PRDM10: variants seen among roughly 807,000 people sequenced by gnomAD.
The protein encoded by PRDM10 is PR domain zinc finger protein 10.
In PRDM10, 65 loss-of-function variants were observed where a neutral mutation model predicts 133.1. The ratio of observed to expected loss-of-function variants is 0.49; its 90% CI spans 0.40 to 0.60. The LOEUF is 0.60. Ranked by LOEUF, PRDM10 falls within the 20% of genes least tolerant of loss-of-function variation. PRDM10 has a pLI of 0.00. For synonymous variants in PRDM10, 582 were observed against 580.4 expected (o/e 1.00, Z -0.04); for missense variants, 1,137 against 1,507.1 (o/e 0.75, Z 4.07).
intron 19 of PRDM10, among the ~76,000 whole-genome samples, chr11:129,907,530 G>A (rs1416186018): frequency 2.6e-5 from 4 of 151,918 alleles, no homozygotes; most frequent in Non-Finnish European, 5.9e-5. Flanking sequence ...TTGGCCTCCT[G>A]AGTAACTGGG....
At chr11:129,992,827 G>A (rs1938825630) in intron 1 of PRDM10, among the ~76,000 whole-genome samples, 2 of 152,166 alleles carry the variant, frequency 1.3e-5, no homozygotes, top group African/African-American at 4.8e-5. Flanking sequence ...TAAACATTCA[G>A]CACAGAAGGA....
intron 1 of PRDM10, among the ~76,000 whole-genome samples, chr11:129,991,979 A>G (rs1463973029): frequency 6.6e-6 from 1 of 152,194 alleles, no homozygotes; most frequent in African/African-American, 2.4e-5. Flanking sequence ...GACAGAAAAA[A>G]TAAAAATACA....
intron 1 of PRDM10, among the ~76,000 whole-genome samples, chr11:129,961,784 G>A (rs762783461): frequency 6.6e-6 from 1 of 152,100 alleles, no homozygotes; most frequent in African/African-American, 2.4e-5. Context: ...GTGGGTGTGT[G>A]TATATATAAT....
chr11:129,919,829 G>A (rs748742844), intron 13 of PRDM10, among the ~76,000 whole-genome samples: 18 of 152,232 alleles, frequency 1.2e-4, no homozygotes, highest in Non-Finnish European at 2.1e-4. Context: ...CCAGTATCAG[G>A]GAGCAGGATA....
At chr11:129,963,748 G>C (rs1012798633) in intron 1 of PRDM10, among the ~76,000 whole-genome samples, 7 of 152,006 alleles carry the variant, frequency 4.6e-5, no homozygotes. Flanking sequence ...TATAACCACA[G>C]TACTACTATC....
chr11:129,972,169 CCG>C (rs1044137256), intron 1 of PRDM10, among the ~76,000 whole-genome samples: 2 of 152,214 alleles, frequency 1.3e-5, no homozygotes, highest in African/African-American at 2.4e-5. Flanking sequence ...CCCGCAAGCG[CCG>C]CGCGCAGCCC....
At chr11:129,963,326 G>T (rs897519529) in intron 1 of PRDM10, among the ~76,000 whole-genome samples, 1 of 150,730 alleles carries the variant, frequency 6.6e-6, no homozygotes, top group Non-Finnish European at 1.5e-5. Flanking sequence ...AGGATCCCTT[G>T]AGCCCAGTTC....
chr11:129,923,693 A>AGAGAGAGAGAGAGAGAGAGAGAGAGAGC lies in PRDM10; in HGVS notation c.1879-291_1879-290insGCTCTCTCTCTCTCTCTCTCTCTCTCTC, dbSNP rs1491447398. Among the ~76,000 whole-genome samples the AGAGAGAGAGAGAGAGAGAGAGAGAGAGC allele has an allele frequency of 7.4e-6, 1 of 135,600 alleles. No individual in the cohort carries two copies. Among genetic ancestry groups the AGAGAGAGAGAGAGAGAGAGAGAGAGAGC allele is most frequent in the African/African-American group, 2.8e-5 (1 of 35,418 alleles). 89.0% of individuals were successfully genotyped at this position (135,600 alleles called of 152,430 possible). On this transcript the variant is annotated intron_variant, in intron 12 of 20. Transcript: ENST00000360871. The surrounding 1 kb of genome is among the most constrained non-coding windows in gnomAD (Gnocchi z 4.4). ...GAGAGAGAGAGAGAGAGAGAGAGAG[A>AGAGAGAGAGAGAGAGAGAGAGAGAGAGC]GTGCTTGCTTGGTCAAAGCCCTGAT... is the stretch of plus-strand genomic sequence containing the variant.
chr11:129,978,985 C>G (rs573127145), intron 1 of PRDM10, among the ~76,000 whole-genome samples: 69 of 152,314 alleles, frequency 4.5e-4, no homozygotes, highest in African/African-American at 1.6e-3. Context: ...AAACATGAGG[C>G]TGAGACACTT....
At chr11:129,941,860 G>A (rs1318909175) in intron 7 of PRDM10, among the ~76,000 whole-genome samples, 1 of 152,172 alleles carries the variant, frequency 6.6e-6, no homozygotes, top group East Asian at 1.9e-4. Context: ...AATATTTTCA[G>A]TTACACTGGG....
chr11:129,952,161 C>T (rs538981664), intron 4 of PRDM10, among the ~76,000 whole-genome samples: 1 of 152,160 alleles, frequency 6.6e-6, no homozygotes, highest in South Asian at 2.1e-4. Context: ...TTGAGCAAAA[C>T]ATGAAACAAG....
chr11:129,937,525 G>T, intron 8 of PRDM10, 73 bp downstream of exon 8: 1 of 1,388,360 alleles, frequency 7.2e-7, no homozygotes, highest in African/African-American at 1.5e-5. Context: ...AAAAAAATTA[G>T]AGGTTTCATA....
intron 1 of PRDM10, among the ~76,000 whole-genome samples, chr11:129,988,139 AATATT>A (rs1263634383): frequency 1.3e-5 from 2 of 152,228 alleles, no homozygotes; most frequent in African/African-American, 4.8e-5. Context: ...TATTATATGA[AATATT>A]AATTTGCAGA....
chr11:129,973,883 G>A (rs917839283), intron 1 of PRDM10, among the ~76,000 whole-genome samples: 2 of 152,228 alleles, frequency 1.3e-5, no homozygotes, highest in Non-Finnish European at 2.9e-5. Flanking sequence ...TTTGGAGCTA[G>A]GTAGGACAAG....
chr11:129,928,925 T>C (rs1950767423), intron 11 of PRDM10, among the ~76,000 whole-genome samples: 1 of 152,180 alleles, frequency 6.6e-6, no homozygotes, highest in Non-Finnish European at 1.5e-5. Flanking sequence ...CCTCCTCTCT[T>C]TCAAGGGCTA....
chr11:129,937,805 G>T, intron 7 of PRDM10, 135 bp from the exon 8 acceptor site: 1 of 683,234 alleles, frequency 1.5e-6, no homozygotes, highest in Non-Finnish European at 2.4e-6. Flanking sequence ...AAAAGATCAT[G>T]CTGTGAGCTC....
At chr11:129,910,384 C>A (rs577932042) in intron 19 of PRDM10, 92 bp downstream of exon 19, 2 of 1,543,852 alleles carry the variant, frequency 1.3e-6, no homozygotes, top group Admixed American at 3.5e-5. Flanking sequence ...CCAAGAGATA[C>A]TTTAAAAATC....
chr11:129,900,523 T>C lies in PRDM10; in HGVS notation c.*1790A>G, dbSNP rs1482246563. Reference sequence around the variant, plus strand: ...AAGTTATTCCTGAAGGGAGGGGAGATACCTTATGGTTCAAATTAAAAAGAA... The same window carrying C: ...AAGTTATTCCTGAAGGGAGGGGAGACACCTTATGGTTCAAATTAAAAAGAA... On this transcript the variant is annotated 3_prime_UTR_variant, in exon 21 of 21. Coordinates refer to ENST00000360871, the MANE Select transcript of PRDM10 (RefSeq NM_199437.2). 1.3e-5 allele frequency: 2 copies of C among 152,618 alleles called. No individual in the cohort carries two copies. Among genetic ancestry groups the C allele is most frequent in the Admixed American group, 1.3e-4 (2 of 15,272 alleles). 9.5% of individuals were successfully genotyped at this position (152,618 alleles called of 1,614,324 possible).
intron 8 of PRDM10, 125 bp downstream of exon 8, chr11:129,937,472 TA>T: frequency 1.4e-6 from 1 of 726,838 alleles, no homozygotes; most frequent in Non-Finnish European, 2.1e-6. Flanking sequence ...TGTGTGTCTC[TA>T]AAAAACCTAC....
Sources: allele counts gnomAD v4.1 joint callset (sites outside exome capture counted in the v4.1 genomes callset), GRCh38; gene constraint gnomAD v4.1.1; non-coding constraint Gnocchi (gnomAD v3.1); transcripts MANE v1.5; gene names NCBI Gene and HGNC (gene_info 2026-07-23, HGNC 2026-07-21).